The following POC1B variants were observed in gnomAD, a reference collection of about 807,000 sequenced individuals.
POC1B encodes the protein POC1 centriolar protein homolog B.
A neutral mutation model predicts 60.6 loss-of-function variants in POC1B; 44 were observed. That is an observed-to-expected ratio of 0.73 (90% CI 0.57 to 0.93). The LOEUF (loss-of-function observed/expected upper bound fraction) is 0.93. Among genes scored for constraint, POC1B ranks in the 40% least tolerant of loss-of-function variants. POC1B has a pLI of 0.00. For missense variants in POC1B, 555 were observed against 572.3 expected, an observed-to-expected ratio of 0.97 and a Z score of 0.31; for synonymous variants, 180 against 198.9, an observed-to-expected ratio of 0.90 and a Z score of 0.80.
At position 89,471,768 on chromosome 12, in the gene POC1B, C is replaced by CT. The variant is rs776025659; in HGVS notation, c.561-40dup. The CT allele has an allele frequency of 0.093, 75,288 of 808,422 alleles. 248 individuals are homozygous for CT. Among genetic ancestry groups the CT allele is most frequent in the African/African-American group, 0.13 (6,604 of 51,896 alleles). 50.1% of individuals were successfully genotyped at this position (808,422 alleles called of 1,614,324 possible). A position where few individuals can be genotyped will look rare whatever the true frequency, so the allele number is the denominator to read the frequency against. ...ATAAGATGACCTAATATTTCAATTT[C>CT]TTTTTTTTTTTTTTTTGAGACGGAA... On this transcript the variant is annotated intron_variant, in intron 5 of 11. Coordinates refer to ENST00000313546, the MANE Select transcript of POC1B (RefSeq NM_172240.3).
chr12:89,477,678 T>C (rs901690657), intron 4 of POC1B, among the ~76,000 whole-genome samples: 2 of 152,156 alleles, frequency 1.3e-5, no homozygotes, highest in Admixed American at 6.5e-5. Context: ...TAAACCACAA[T>C]TGACCCTGTT....
intron 9 of POC1B, 131 bp from the exon 10 acceptor site, chr12:89,459,849 G>T: frequency 1.9e-6 from 1 of 529,052 alleles, no homozygotes; most frequent in Non-Finnish European, 3.3e-6. Context: ...CATTACTATG[G>T]ATAAAAAAAA....
the POC1B span, among the ~76,000 whole-genome samples, chr12:89,402,834 G>A: frequency 1.3e-5 from 2 of 152,034 alleles, no homozygotes; most frequent in African/African-American, 4.8e-5. Context: ...TCGCCTCCCA[G>A]GTTCAAGCAA....
intron 10 of POC1B, among the ~76,000 whole-genome samples, chr12:89,452,460 C>T (rs922152314): frequency 4.0e-5 from 6 of 151,672 alleles, no homozygotes; most frequent in African/African-American, 1.5e-4. Flanking sequence ...TCCCAAATCA[C>T]GTTTGTCAAT....
intron 1 of POC1B, chr12:89,525,469 C>A: frequency 7.5e-7 from 1 of 1,337,940 alleles, no homozygotes. Context: ...GCAGGAACCG[C>A]GGCCCCTTTG....
the POC1B span, among the ~76,000 whole-genome samples, chr12:89,404,137 A>G: frequency 6.6e-6 from 1 of 152,104 alleles, no homozygotes; most frequent in Non-Finnish European, 1.5e-5. Context: ...CATCTTAAAA[A>G]AAAAAAAAAA....
intron 4 of POC1B, among the ~76,000 whole-genome samples, chr12:89,481,879 T>C (rs974694714): frequency 6.6e-6 from 1 of 152,084 alleles, no homozygotes; most frequent in African/African-American, 2.4e-5. Context: ...AGCCCATGAG[T>C]AAAGACTACA....
intron 4 of POC1B, among the ~76,000 whole-genome samples, chr12:89,475,910 CTTTTTTTTTT>C (rs972058107): frequency 5.8e-5 from 5 of 86,140 alleles, no homozygotes; most frequent in East Asian, 3.8e-4. Flanking sequence ...TGAGGGAATT[CTTTTTTTTTT>C]TTTTTTTTTT....
intron 10 of POC1B, among the ~76,000 whole-genome samples, chr12:89,439,703 A>C (rs1881428336): frequency 6.6e-6 from 1 of 152,172 alleles, no homozygotes; most frequent in African/African-American, 2.4e-5. Flanking sequence ...TCCTGGGTTC[A>C]AGTGATTCTC....
intron 4 of POC1B, among the ~76,000 whole-genome samples, chr12:89,478,227 A>G (rs1883194363): frequency 6.6e-6 from 1 of 152,184 alleles, no homozygotes; most frequent in South Asian, 2.1e-4. Context: ...CTCATGCCTC[A>G]GCTACCCTGC....
At chr12:89,497,439 A>C (rs932443793) in intron 2 of POC1B, 97 bp from the exon 3 acceptor site, 8 of 1,268,214 alleles carry the variant, frequency 6.3e-6, no homozygotes, top group Middle Eastern at 2.8e-4. Context: ...CAAGGCATCC[A>C]GGTAATAGAG....
rs968990721 is a variant in POC1B at position 89,515,410 on chromosome 12, C to T, written c.100+9710G>A. ...TCAGCCCCTTGAGTAGGTGGGACTA[C>T]AGGCATGCACCACTGTGCTTGGCTT... On this transcript the variant is annotated intron_variant, in intron 2 of 11. Coordinates refer to ENST00000313546, the MANE Select transcript of POC1B (RefSeq NM_172240.3). Among the ~76,000 whole-genome samples, 10 of 152,124 alleles carry T rather than the reference C, an allele frequency of 6.6e-5. No individual in the cohort carries two copies. In the East Asian group the frequency reaches 9.6e-4, roughly 15 times the overall value.
intron 2 of POC1B, chr12:89,500,575 T>C: frequency 1.9e-6 from 3 of 1,605,350 alleles, no homozygotes; most frequent in Non-Finnish European, 2.6e-6. Context: ...CACCTTCTGT[T>C]CTTTTGGATG....
intron 3 of POC1B, among the ~76,000 whole-genome samples, chr12:89,493,149 CTTTCTCAGGCTGGACTAT>C (rs1869068091): frequency 6.6e-6 from 1 of 152,198 alleles, no homozygotes; most frequent in African/African-American, 2.4e-5. Context: ...GCACTTACTG[CTTTCTCAGGCTGGACTAT>C]TTTCCCCATC....
chr12:89,464,988 C>A (rs1249952744), intron 9 of POC1B, among the ~76,000 whole-genome samples: 1 of 151,948 alleles, frequency 6.6e-6, no homozygotes, highest in South Asian at 2.1e-4. Flanking sequence ...AGGCTGACTA[C>A]CTTAAGGTCA....
At chr12:89,432,244 G>C (rs1301030208) in intron 10 of POC1B, among the ~76,000 whole-genome samples, 3 of 151,828 alleles carry the variant, frequency 2.0e-5, no homozygotes, top group Non-Finnish European at 4.4e-5. Flanking sequence ...AAATTAGCCA[G>C]GTGTTGCGGC....
intron 10 of POC1B, among the ~76,000 whole-genome samples, chr12:89,429,791 A>G (rs1057087458): frequency 1.3e-5 from 2 of 152,238 alleles, no homozygotes; most frequent in African/African-American, 4.8e-5. Flanking sequence ...GCAAGACTGC[A>G]GAAAAAACAA....
chr12:89,492,335 A>G (rs757559107), intron 3 of POC1B, among the ~76,000 whole-genome samples: 18 of 152,152 alleles, frequency 1.2e-4, no homozygotes, highest in Admixed American at 5.2e-4. Context: ...GGTAGAAAAG[A>G]AGAGAATAGA....
chr12:89,443,330 C>A (rs1432041606), intron 10 of POC1B, among the ~76,000 whole-genome samples: 2 of 152,176 alleles, frequency 1.3e-5, no homozygotes, highest in Non-Finnish European at 2.9e-5. Context: ...GCACTTATTC[C>A]AAAATTGACC....
Sources: allele counts gnomAD v4.1 joint callset (sites outside exome capture counted in the v4.1 genomes callset), GRCh38; gene constraint gnomAD v4.1.1; transcripts MANE v1.5; gene names NCBI Gene and HGNC (gene_info 2026-07-23, HGNC 2026-07-21).